The following PDE1A variants were observed in gnomAD, a reference collection of about 807,000 sequenced individuals.
PDE1A encodes dual specificity calcium/calmodulin-dependent 3',5'-cyclic nucleotide phosphodiesterase 1A.
In PDE1A, 35 loss-of-function variants were observed where a neutral mutation model predicts 61.7. That is an observed-to-expected ratio of 0.57 (90% CI 0.43 to 0.75). The LOEUF (loss-of-function observed/expected upper bound fraction) is 0.75. Among genes scored for constraint, PDE1A ranks in the 30% least tolerant of loss-of-function variants. The pLI is 0.00. For missense variants in PDE1A, 597 were observed against 630.6 expected (o/e 0.95, Z 0.57); for synonymous variants, 232 against 213.2 (o/e 1.09, Z -0.77).
chr2:182,247,298 C>T (rs1377470930), intron 2 of PDE1A, among the ~76,000 whole-genome samples: 1 of 151,944 alleles, frequency 6.6e-6, no homozygotes, highest in East Asian at 1.9e-4. Context: ...AGCCAAGAAA[C>T]TCAGTATTTC....
the PDE1A span, among the ~76,000 whole-genome samples, chr2:182,557,636 C>T: frequency 7.9e-5 from 12 of 151,970 alleles, no homozygotes; most frequent in Non-Finnish European, 8.8e-5. Context: ...GGCTTGAACC[C>T]GGGAGGCAAA....
In PDE1A at chr2:182,503,977, A is replaced by T. The variant is rs144265636; in HGVS notation, c.101+18299T>A. ...GAGTTGAGTTAATAAAAGAATATTA[A>T]CCCTACTTTCCAAAGTATCTCAATG... On this transcript the variant is annotated intron_variant, in intron 2 of 14. Transcript: ENST00000410103. 2.8e-4 allele frequency among the ~76,000 whole-genome samples: 42 copies of T among 152,324 alleles called. 2 individuals carry two copies. In the East Asian group the frequency reaches 7.3e-3, roughly 27 times the overall value.
intron 2 of PDE1A, among the ~76,000 whole-genome samples, chr2:182,518,003 C>A (rs1402588495): frequency 1.3e-5 from 2 of 152,054 alleles, no homozygotes; most frequent in Non-Finnish European, 2.9e-5. Flanking sequence ...TTTTGGGTGA[C>A]CCTAGGTCTG....
At chr2:182,333,290 C>A (rs185148062) in intron 1 of PDE1A, among the ~76,000 whole-genome samples, 2 of 152,254 alleles carry the variant, frequency 1.3e-5, no homozygotes, top group African/African-American at 4.8e-5. Context: ...CTTCTCAGCA[C>A]CACATCACAC....
intron 4 of PDE1A, among the ~76,000 whole-genome samples, chr2:182,231,784 G>A (rs1007274135): frequency 1.3e-5 from 2 of 151,864 alleles, no homozygotes; most frequent in African/African-American, 4.8e-5. Flanking sequence ...GTGTGGTGGT[G>A]CACGCCTGTA....
At chr2:182,610,104 A>G in the PDE1A span, among the ~76,000 whole-genome samples, 2 of 148,834 alleles carry the variant, frequency 1.3e-5, no homozygotes, top group Admixed American at 1.4e-4. Context: ...AAAAAAAAAG[A>G]AAGAAATGCA....
chr2:182,624,260 T>C, the PDE1A span, among the ~76,000 whole-genome samples: 10 of 152,184 alleles, frequency 6.6e-5, no homozygotes, highest in South Asian at 2.1e-3. Context: ...AAATACGTAA[T>C]AAGCCTCCTG....
At chr2:182,406,872 T>C (rs1702326289) in intron 1 of PDE1A, among the ~76,000 whole-genome samples, 1 of 152,068 alleles carries the variant, frequency 6.6e-6, no homozygotes, top group South Asian at 2.1e-4. Flanking sequence ...AGTGAAAAGG[T>C]ATACCTTCTT....
At chr2:182,336,811 G>T (rs1240706781) in intron 1 of PDE1A, among the ~76,000 whole-genome samples, 1 of 151,236 alleles carries the variant, frequency 6.6e-6, no homozygotes, top group Non-Finnish European at 1.5e-5. Context: ...GAGAACACAT[G>T]GACACAGAGA....
rs189770961 is a variant in PDE1A at position 182,460,409 on chromosome 2, T to C, written c.101+61867A>G. On this transcript the variant is annotated intron_variant, in intron 2 of 14. Transcript: ENST00000410103. ...CCCATGGAATATTGAAACCCATATG[T>C]AACACATTTTTAAGAGATGGGGTGT... Among the ~76,000 whole-genome samples, 8 of 152,246 alleles carry C rather than the reference T, an allele frequency of 5.3e-5. No homozygotes were observed. In the East Asian group the frequency reaches 1.5e-3, roughly 29 times the overall value.
At chr2:182,466,217 C>T (rs1172271868) in intron 2 of PDE1A, among the ~76,000 whole-genome samples, 1 of 152,078 alleles carries the variant, frequency 6.6e-6, no homozygotes, top group Non-Finnish European at 1.5e-5. Context: ...GTTTCATCTT[C>T]TATCCTACTA....
intron 1 of PDE1A, among the ~76,000 whole-genome samples, chr2:182,268,149 G>C (rs953644085): frequency 4.6e-5 from 7 of 152,026 alleles, no homozygotes; most frequent in Non-Finnish European, 1.0e-4. Context: ...CAAAGCTTAG[G>C]GTGAGGGCAT....
chr2:182,164,384 T>C (rs1691541685), downstream of PDE1A, among the ~76,000 whole-genome samples: 1 of 152,128 alleles, frequency 6.6e-6, no homozygotes, highest in African/African-American at 2.4e-5. Flanking sequence ...AGGAACATAA[T>C]TGGAATATTG....
chr2:182,588,167 T>A, the PDE1A span, among the ~76,000 whole-genome samples: 1 of 152,204 alleles, frequency 6.6e-6, no homozygotes, highest in African/African-American at 2.4e-5. Context: ...TAAGTTTGAA[T>A]TCATTTCCTT....
At chr2:182,530,263 G>A in the PDE1A span, among the ~76,000 whole-genome samples, 1 of 152,146 alleles carries the variant, frequency 6.6e-6, no homozygotes, top group Non-Finnish European at 1.5e-5. Context: ...CTGTATAGTT[G>A]CCCCAGATTA....
chr2:182,659,466 C>A, the PDE1A span, among the ~76,000 whole-genome samples: 1 of 152,100 alleles, frequency 6.6e-6, no homozygotes, highest in Non-Finnish European at 1.5e-5. Context: ...GTACATAAAT[C>A]TTGAGGTAAA....
chr2:182,350,054 A>C (rs60732172), intron 1 of PDE1A, among the ~76,000 whole-genome samples: 13,907 of 152,180 alleles, frequency 0.091, 1,261 homozygotes, highest in African/African-American at 0.23. Flanking sequence ...TTCCTCTTTC[A>C]GTACTTATCC....
intron 2 of PDE1A, among the ~76,000 whole-genome samples, chr2:182,258,138 AGCCTAGGC>A (rs1288905811): frequency 6.6e-6 from 1 of 152,016 alleles, no homozygotes; most frequent in Non-Finnish European, 1.5e-5. Flanking sequence ...ACTGCACTCC[AGCCTAGGC>A]GACAGTATGA....
At chr2:182,423,785 AG>A (rs1703428028) in intron 1 of PDE1A, among the ~76,000 whole-genome samples, 1 of 152,052 alleles carries the variant, frequency 6.6e-6, no homozygotes, top group Non-Finnish European at 1.5e-5. Context: ...TGAACTCTCA[AG>A]CACCATGAAC....
Sources: allele counts gnomAD v4.1 joint callset (sites outside exome capture counted in the v4.1 genomes callset), GRCh38; gene constraint gnomAD v4.1.1; transcripts MANE v1.5; gene names NCBI Gene and HGNC (gene_info 2026-07-23, HGNC 2026-07-21).